GALNT6: variants seen among roughly 807,000 people sequenced by gnomAD.
GALNT6 encodes polypeptide N-acetylgalactosaminyltransferase 6.
Under a neutral mutation model 65.9 loss-of-function variants are expected in GALNT6, and 51 were observed. The observed-to-expected ratio is 0.77, with a 90% CI of 0.62 to 0.98. GALNT6 has a LOEUF of 0.98. GALNT6 is among the 50% of genes least tolerant of loss of function. The probability of loss-of-function intolerance (pLI) is 0.00; values close to 1 mark genes in which losing one functional copy is unlikely to be tolerated. For missense variants in GALNT6, 708 were observed against 803.3 expected, an observed-to-expected ratio of 0.88 and a Z score of 1.43; for synonymous variants, 323 against 315.1, an observed-to-expected ratio of 1.02 and a Z score of -0.26.
At position 51,352,789 on chromosome 12, in the gene GALNT6, A is replaced by G. The variant is rs1946646621; in HGVS notation, c.*1590T>C. ...CAGATTTAAGCAATTCTCCTGCCTC[A>G]GCCTCTTGAGTAGCTGGGATTACAG... is the stretch of plus-strand genomic sequence containing the variant. On this transcript the variant is annotated 3_prime_UTR_variant, in exon 12 of 12. Transcript: ENST00000356317. 1 of 152,280 alleles carries G rather than the reference A, an allele frequency of 6.6e-6. No individual in the cohort carries two copies. The highest frequency in any genetic ancestry group is 2.4e-5 in the African/African-American group (1 of 41,448). 9.4% of individuals were successfully genotyped at this position (152,280 alleles called of 1,614,324 possible).
intron 4 of GALNT6, among the ~76,000 whole-genome samples, chr12:51,368,655 C>G (rs1947190434): frequency 6.6e-6 from 1 of 152,088 alleles, no homozygotes; most frequent in South Asian, 2.1e-4. Context: ...ATCTGCCCGC[C>G]TCGGCCTCCC....
intron 4 of GALNT6, among the ~76,000 whole-genome samples, chr12:51,372,457 C>T (rs937601705): frequency 6.6e-6 from 1 of 152,190 alleles, no homozygotes; most frequent in African/African-American, 2.4e-5. Flanking sequence ...GATTTTCCCA[C>T]CTCAGCCTCC....
At chr12:51,377,103 G>C (rs772668937) in intron 4 of GALNT6, 92 bp downstream of exon 4, 119 of 1,055,506 alleles carry the variant, frequency 1.1e-4, no homozygotes, top group Non-Finnish European at 1.7e-4. Context: ...AGGCTCATGA[G>C]GTGGTGCCTG....
chr12:51,382,690 C>G (rs1947712756), intron 2 of GALNT6, among the ~76,000 whole-genome samples: 1 of 152,140 alleles, frequency 6.6e-6, no homozygotes, highest in Non-Finnish European at 1.5e-5. Flanking sequence ...AAGCTGGGAG[C>G]CCAGCATTAC....
intron 4 of GALNT6, among the ~76,000 whole-genome samples, chr12:51,376,801 C>T (rs1947471143): frequency 6.6e-6 from 1 of 152,130 alleles, no homozygotes; most frequent in Non-Finnish European, 1.5e-5. Flanking sequence ...TGAGCAACCC[C>T]ACTTACCTAT....
chr12:51,355,755 C>G, intron 11 of GALNT6, 51 bp downstream of exon 11: 7 of 1,576,442 alleles, frequency 4.4e-6, no homozygotes, highest in Non-Finnish European at 6.1e-6. Flanking sequence ...GCGTGAGCCA[C>G]CACACCTGGC....
At chr12:51,379,147 A>G in intron 3 of GALNT6, 144 bp downstream of exon 3, 1 of 792,062 alleles carries the variant, frequency 1.3e-6, no homozygotes, top group African/African-American at 1.7e-5. Context: ...TCTGGGAAAG[A>G]AGTGAGGCAT....
intron 6 of GALNT6, among the ~76,000 whole-genome samples, chr12:51,363,478 T>TA (rs1197300920): frequency 6.6e-6 from 1 of 151,900 alleles, no homozygotes; most frequent in Non-Finnish European, 1.5e-5. Flanking sequence ...TTAATGTTTG[T>TA]AAAAAAAATA....
chr12:51,384,746 G>A (rs542604677), intron 2 of GALNT6, among the ~76,000 whole-genome samples: 5 of 151,886 alleles, frequency 3.3e-5, no homozygotes, highest in East Asian at 3.9e-4. Context: ...TTAGCTGGGT[G>A]TGGTGGCATA....
rs1189427362 is a variant in GALNT6, at chr12:51,353,108, AG to A, written c.*1270del. ...GGAAGGAGCCCTGGCTCAGCATTGA[AG>A]AACGAGCCTCAGTCTTGGCTCCAGC... On this transcript the variant is annotated 3_prime_UTR_variant, in exon 12 of 12. Transcript: ENST00000356317. The A allele has an allele frequency of 6.6e-6, 1 of 152,270 alleles. No homozygotes were observed. The highest frequency in any genetic ancestry group is 2.4e-5 in the African/African-American group (1 of 41,462). 9.4% of individuals were successfully genotyped at this position (152,270 alleles called of 1,614,324 possible).
intron 6 of GALNT6, among the ~76,000 whole-genome samples, chr12:51,363,213 G>A (rs535187689): frequency 2.0e-5 from 3 of 152,300 alleles, no homozygotes; most frequent in East Asian, 3.9e-4. Flanking sequence ...TACACTAAAA[G>A]TCACTCCTCA....
intron 8 of GALNT6, among the ~76,000 whole-genome samples, 187 bp from the exon 9 acceptor site, chr12:51,358,448 G>A (rs1374752221): frequency 3.3e-5 from 5 of 151,870 alleles, no homozygotes; most frequent in Non-Finnish European, 5.9e-5. Flanking sequence ...CTACAGTCGC[G>A]CACCACCACG....
At chr12:51,357,882 G>T (rs1005191337) in intron 9 of GALNT6, among the ~76,000 whole-genome samples, 1 of 152,176 alleles carries the variant, frequency 6.6e-6, no homozygotes. Context: ...GCGTTTTACC[G>T]TGCCTTCCTG....
At chr12:51,363,779 C>A (rs1384617947) in intron 6 of GALNT6, among the ~76,000 whole-genome samples, 1 of 152,170 alleles carries the variant, frequency 6.6e-6, no homozygotes, top group Non-Finnish European at 1.5e-5. Context: ...GAGGAATAAA[C>A]TAAAGAATGT....
At chr12:51,382,676 C>A (rs1273508450) in intron 2 of GALNT6, among the ~76,000 whole-genome samples, 1 of 152,146 alleles carries the variant, frequency 6.6e-6, no homozygotes, top group Non-Finnish European at 1.5e-5. Context: ...AGTAATAAAG[C>A]GTTAAGCTGG....
Position 51,377,322 on chromosome 12 carries a change from G to T in GALNT6, c.537C>A (p.Thr179=), listed in dbSNP as rs752608048. The T allele has an allele frequency of 3.7e-6, 6 of 1,612,944 alleles. No individual in the cohort carries two copies. In the South Asian group the frequency reaches 5.5e-5, roughly 15 times the overall value. Residue 179 remains threonine (T), a synonymous_variant, in exon 4 of 12, where the codon ACC becomes ACA. Coordinates refer to ENST00000356317, the MANE Select transcript of GALNT6 (RefSeq NM_007210.4). ...CGTTGTGGAACACAATGATCACGCT[G>T]GTGGTGGCCAGTGGGGGGCAGCGCC... The part of the protein sequence containing the change: ...KFRRCPPLAT[T]SVIIVFHNEA...
At chr12:51,363,086 C>T (rs1483119761) in intron 6 of GALNT6, among the ~76,000 whole-genome samples, 2 of 152,070 alleles carry the variant, frequency 1.3e-5, no homozygotes, top group African/African-American at 4.8e-5. Flanking sequence ...CCTCTTATCT[C>T]TGGCTACTGT....
At chr12:51,378,890 C>CCCCCA (rs1555180344) in intron 3 of GALNT6, among the ~76,000 whole-genome samples, 1 of 144,918 alleles carries the variant, frequency 6.9e-6, no homozygotes, top group East Asian at 2.3e-4. Context: ...CCACCCCCCC[C>CCCCCA]CCAAACAGCT....
intron 6 of GALNT6, among the ~76,000 whole-genome samples, chr12:51,361,049 A>G (rs1946911516): frequency 6.6e-6 from 1 of 152,202 alleles, no homozygotes. Context: ...GAAATATGTA[A>G]TTATCCTCTA....
Sources: gnomAD v4.1 joint callset for allele counts (sites outside exome capture counted in the v4.1 genomes callset) on GRCh38, gnomAD v4.1.1 for gene constraint, MANE v1.5 for transcripts, NCBI Gene and HGNC (gene_info 2026-07-23, HGNC 2026-07-21) for gene names.